RELN: variants seen among roughly 807,000 people sequenced by gnomAD.
The protein encoded by RELN is reelin.
Under a neutral mutation model 427.6 loss-of-function variants are expected in RELN, and 108 were observed. The ratio of observed to expected loss-of-function variants is 0.25; its 90% CI spans 0.22 to 0.30. The LOEUF is 0.30. RELN is among the 10% of genes least tolerant of loss of function. RELN has a pLI of 1.00. For synonymous variants in RELN, 1,524 were observed against 1,513.4 expected, an observed-to-expected ratio of 1.01 and a Z score of -0.16; for missense variants, 3,715 against 4,302.8, an observed-to-expected ratio of 0.86 and a Z score of 3.82.
chr7:103,624,021 T>C (rs1305876332), intron 20 of RELN, among the ~76,000 whole-genome samples: 1 of 151,978 alleles, frequency 6.6e-6, no homozygotes, highest in East Asian at 1.9e-4. Flanking sequence ...AAATTACTGG[T>C]TAATTGTTAA....
chr7:103,842,836 T>C (rs1793585397), intron 2 of RELN, among the ~76,000 whole-genome samples: 1 of 152,170 alleles, frequency 6.6e-6, no homozygotes, highest in African/African-American at 2.4e-5. Flanking sequence ...CAATTCTAAG[T>C]CAACTTGATT....
At chr7:103,521,017 G>C (rs914317329) in intron 48 of RELN, among the ~76,000 whole-genome samples, 10 of 135,586 alleles carry the variant, frequency 7.4e-5, no homozygotes, top group Non-Finnish European at 1.4e-4. Flanking sequence ...TCGCCCAGGC[G>C]GGACTGCGGA....
At chr7:103,623,215 C>T (rs1832257175) in intron 20 of RELN, among the ~76,000 whole-genome samples, 1 of 152,212 alleles carries the variant, frequency 6.6e-6, no homozygotes, top group Non-Finnish European at 1.5e-5. Context: ...CAATCATTTA[C>T]TGTGAAATGG....
At position 103,635,487 on chromosome 7, in the gene RELN, A is replaced by C; in HGVS notation, c.2403T>G (p.Tyr801Ter). Residue 801 changes from tyrosine (Y) to a stop codon, truncating the protein, a stop_gained, in exon 19 of 65, where the codon TAT becomes TAG. Transcript: ENST00000428762. LOFTEE classifies it high-confidence loss of function. ...PGEGVLLHYS[Y>*]DNGITWKLLE... is the part of the protein sequence containing the mutation. ...GGAGTTTCCAAGTTATCCCATTATC[A>C]TAAGAATAATGCAACAAAACTCCTT... The C allele has an allele frequency of 6.2e-7, 1 of 1,613,918 alleles. No individual in the cohort carries two copies. The highest frequency in any genetic ancestry group is 8.5e-7 in the Non-Finnish European group (1 of 1,179,812).
chr7:103,551,365 C>T (rs1382110634), intron 40 of RELN, 69 bp from the exon 41 acceptor site: 4 of 1,087,698 alleles, frequency 3.7e-6, no homozygotes, highest in Non-Finnish European at 5.5e-6. Flanking sequence ...TTCACCACTT[C>T]ATTATTTTCT....
At position 103,738,807 on chromosome 7, in the gene RELN, C is replaced by T. The variant is rs767746312; in HGVS notation, c.657-10600G>A. 5.3e-5 allele frequency among the ~76,000 whole-genome samples: 8 copies of T among 150,926 alleles called. No homozygotes were observed. The East Asian group carries it at 5.9e-4, about 11-fold the overall frequency. On this transcript the variant is annotated intron_variant, in intron 6 of 64. Transcript: ENST00000428762. ...AAGTGATTCTCCTCCCTCAGCCTCC[C>T]GAGTAGCTGGGACTACAGCTGCATG...
intron 2 of RELN, among the ~76,000 whole-genome samples, chr7:103,871,361 T>A (rs1794330209): frequency 6.6e-6 from 1 of 152,134 alleles, no homozygotes; most frequent in Non-Finnish European, 1.5e-5. Flanking sequence ...AGATCACAAA[T>A]AAATACTAGC....
chr7:103,909,787 ATATTAAAT>A (rs1323356042), intron 2 of RELN, among the ~76,000 whole-genome samples: 3,808 of 97,160 alleles, frequency 0.039, 532 homozygotes, highest in East Asian at 0.16. Flanking sequence ...ATAAATATAT[ATATTAAAT>A]ATATATTAAT....
At chr7:103,773,390 G>T (rs1481760111) in intron 4 of RELN, among the ~76,000 whole-genome samples, 148 of 15,246 alleles carry the variant, frequency 9.7e-3, no homozygotes, top group Middle Eastern at 0.029. Flanking sequence ...TCCCTCCCTC[G>T]CTCCCTCCCT....
chr7:103,970,550 G>A (rs1356511935), intron 1 of RELN, among the ~76,000 whole-genome samples: 1 of 152,010 alleles, frequency 6.6e-6, no homozygotes, highest in Non-Finnish European at 1.5e-5. Context: ...GGATAGTGCT[G>A]AAAGGTTGTC....
rs376838638 is a variant in RELN, at chr7:103,574,175, T to G, written c.4428A>C (p.Thr1476=). 2 of 1,614,084 alleles carry G rather than the reference T, an allele frequency of 1.2e-6. No homozygotes were observed. The highest frequency in any genetic ancestry group is 2.7e-5 in the African/African-American group (2 of 74,932). The change falls in exon 30 of 65, where the codon ACA becomes ACC. Residue 1476 remains threonine (T), a synonymous_variant. Coordinates refer to ENST00000428762, the MANE Select transcript of RELN (RefSeq NM_005045.4). Reference sequence around the variant, plus strand: ...AGTAGAGAGATTTGCCATCGTTAAGTGTTCCACAGCCAGTTCCAACCTGGG... The same window carrying G: ...AGTAGAGAGATTTGCCATCGTTAAGGGTTCCACAGCCAGTTCCAACCTGGG... The part of the protein sequence containing the change: ...TGAQVGTGCG[T]LNDGKSLYFN...
chr7:103,873,487 G>T (rs1222222702), intron 2 of RELN, among the ~76,000 whole-genome samples: 3 of 79,438 alleles, frequency 3.8e-5, no homozygotes, highest in Middle Eastern at 4.7e-3. Context: ...AAAGAGAGAA[G>T]AATCAAATAG....
intron 1 of RELN, among the ~76,000 whole-genome samples, chr7:103,965,776 G>A (rs749796802): frequency 4.6e-5 from 7 of 152,116 alleles, no homozygotes; most frequent in Non-Finnish European, 7.4e-5. Flanking sequence ...TAGAGTAGTT[G>A]TGTGAACAGT....
At chr7:103,685,702 G>A (rs754245522) in intron 10 of RELN, among the ~76,000 whole-genome samples, 1 of 151,990 alleles carries the variant, frequency 6.6e-6, no homozygotes, top group Non-Finnish European at 1.5e-5. Context: ...GTAGGTTACC[G>A]ATTTCTAAAG....
At position 103,654,170 on chromosome 7, in the gene RELN, C is replaced by A; in HGVS notation, c.1477G>T (p.Asp493Tyr). The A allele has an allele frequency of 6.2e-7, 1 of 1,611,594 alleles. No individual in the cohort carries two copies. Among genetic ancestry groups the A allele is most frequent in the Non-Finnish European group, 8.5e-7 (1 of 1,178,244 alleles). Residue 493 changes from aspartate (D) to tyrosine (Y), a missense_variant, in exon 13 of 65, where the codon GAC (aspartate) becomes TAC (tyrosine). Asp to Tyr is a radical substitution (Grantham distance 160). Coordinates refer to ENST00000428762, the MANE Select transcript of RELN (RefSeq NM_005045.4). ...TCAATTTTTGCATACAGGATTATGT[C>A]ATTTTCATGAGAATTTCCAGGGTCA... ...ICDPGNSHEN[D>Y]IILYAKIEGR...
In RELN at chr7:103,944,335, C is replaced by G. The variant is rs971697939; in HGVS notation, c.227-27150G>C. 3.9e-5 allele frequency among the ~76,000 whole-genome samples: 6 copies of G among 152,138 alleles called. No individual in the cohort carries two copies. The South Asian group carries it at 1.2e-3, about 32-fold the overall frequency. On this transcript the variant is annotated intron_variant, in intron 1 of 64. Coordinates refer to ENST00000428762, the MANE Select transcript of RELN (RefSeq NM_005045.4). Reference sequence around the variant, plus strand: ...AGATCAAATTTCTAAGTTTACTAAGCCCAGAGGAGGAAGAACACTCTGACA... The same window carrying G: ...AGATCAAATTTCTAAGTTTACTAAGGCCAGAGGAGGAAGAACACTCTGACA...
In RELN at chr7:103,515,291, C is replaced by T. The variant is rs1427557542; in HGVS notation, c.8013G>A (p.Leu2671=). 6.2e-7 allele frequency: 1 copy of T among 1,614,026 alleles called. No individual in the cohort carries two copies. The highest frequency in any genetic ancestry group is 8.5e-7 in the Non-Finnish European group (1 of 1,180,028). The part of the protein sequence containing the change: ...SGSADQRTVM[L]DTFSSAPVPQ... Reference sequence around the variant, plus strand: ...GTACTGGGGCGCTGCTGAAGGTGTCCAGCATAACGGTCCTTTGGTCAGCAG... The same window carrying T: ...GTACTGGGGCGCTGCTGAAGGTGTCTAGCATAACGGTCCTTTGGTCAGCAG... Residue 2671 remains leucine (L), a synonymous_variant, in exon 50 of 65, where the codon CTG becomes CTA. Transcript: ENST00000428762.
chr7:103,701,971 C>T (rs143157189), intron 8 of RELN, among the ~76,000 whole-genome samples: 3,427 of 152,294 alleles, frequency 0.023, 43 homozygotes, highest in Admixed American at 0.034. Flanking sequence ...TATTTTATTT[C>T]AGTGGTGTTT....
At chr7:103,866,718 A>G (rs62482288) in intron 2 of RELN, among the ~76,000 whole-genome samples, 17,180 of 152,112 alleles carry the variant, frequency 0.11, 1,069 homozygotes, top group Middle Eastern at 0.14. Context: ...TAATTACTGT[A>G]CCATTGTGTG....
Sources: allele counts gnomAD v4.1 joint callset (sites outside exome capture counted in the v4.1 genomes callset), GRCh38; gene constraint gnomAD v4.1.1; transcripts MANE v1.5; gene names NCBI Gene and HGNC (gene_info 2026-07-23, HGNC 2026-07-21).